SPATS2: variants seen among roughly 807,000 people sequenced by gnomAD.
The protein encoded by SPATS2 is spermatogenesis-associated serine-rich protein 2.
Under a neutral mutation model 63.7 loss-of-function variants are expected in SPATS2, and 38 were observed. The ratio of observed to expected loss-of-function variants is 0.60; its 90% CI spans 0.46 to 0.78. The LOEUF is 0.78. SPATS2 is among the 30% of genes least tolerant of loss of function. The pLI is 0.00. For missense variants in SPATS2, 588 were observed against 666.2 expected, an observed-to-expected ratio of 0.88 and a Z score of 1.29; for synonymous variants, 207 against 232.9, an observed-to-expected ratio of 0.89 and a Z score of 1.01.
At chr12:49,409,141 A>C (rs1427537450) in intron 2 of SPATS2, among the ~76,000 whole-genome samples, 1 of 152,180 alleles carries the variant, frequency 6.6e-6, no homozygotes, top group Non-Finnish European at 1.5e-5. Context: ...CATAGAATCA[A>C]ACTGCAAAAA....
At chr12:49,413,043 G>A (rs942421524) in intron 2 of SPATS2, among the ~76,000 whole-genome samples, 1 of 152,024 alleles carries the variant, frequency 6.6e-6, no homozygotes, top group Non-Finnish European at 1.5e-5. Context: ...GTCTCAGGCT[G>A]GGGTCTCCAG....
intron 10 of SPATS2, among the ~76,000 whole-genome samples, chr12:49,518,757 A>G (rs771523880): frequency 3.3e-5 from 5 of 151,954 alleles, no homozygotes; most frequent in Non-Finnish European, 7.4e-5. Context: ...TACCCAACTT[A>G]CTCTAGATGA....
chr12:49,396,426 T>C (rs1944513405), intron 2 of SPATS2, among the ~76,000 whole-genome samples: 1 of 152,214 alleles, frequency 6.6e-6, no homozygotes, highest in African/African-American at 2.4e-5. Flanking sequence ...TGTTTCTCTG[T>C]CTGTGTATGT....
intron 2 of SPATS2, among the ~76,000 whole-genome samples, chr12:49,456,708 C>T (rs1945725404): frequency 2.6e-5 from 4 of 152,170 alleles, no homozygotes; most frequent in Admixed American, 2.6e-4. Flanking sequence ...AAAGGTAGAA[C>T]ACATGGGATT....
rs1476029537 is a variant in SPATS2 at position 49,367,561 on chromosome 12, C to G, written c.-333C>G. On this transcript the variant is annotated 5_prime_UTR_variant, in exon 1 of 14. Coordinates refer to ENST00000552918, the MANE Select transcript of SPATS2 (RefSeq NM_023071.4). ...GACGCGGAGCCCGGAGCTGGGGCGA[C>G]GAGGCGATTGCGGGGGCCTGGGCTA... 1 of 397,162 alleles carries G rather than the reference C, an allele frequency of 2.5e-6. No homozygotes were observed. The highest frequency in any genetic ancestry group is 4.4e-5 in the Admixed American group (1 of 22,600). The allele number at this position is 397,162 out of a possible 1,614,324, so 24.6% of individuals were successfully genotyped here. A position where few individuals can be genotyped will look rare whatever the true frequency, so the allele number is the denominator to read the frequency against.
intron 2 of SPATS2, among the ~76,000 whole-genome samples, chr12:49,379,737 C>T (rs1200936670): frequency 2.7e-5 from 4 of 149,380 alleles, no homozygotes; most frequent in African/African-American, 4.9e-5. Flanking sequence ...ATTCTCCTGT[C>T]TGAGCCTCCC....
chr12:49,435,639 T>C, intron 2 of SPATS2, among the ~76,000 whole-genome samples: 1 of 69,462 alleles, frequency 1.4e-5, no homozygotes, highest in Non-Finnish European at 2.5e-5. Context: ...GAATGGTTTC[T>C]TTTTTTTTTT....
intron 2 of SPATS2, among the ~76,000 whole-genome samples, chr12:49,434,503 C>T (rs1022956860): frequency 3.3e-5 from 5 of 152,146 alleles, no homozygotes; most frequent in Non-Finnish European, 1.5e-5. Context: ...TGCTCATCTC[C>T]TTTTAATACA....
intron 8 of SPATS2, 57 bp downstream of exon 8, chr12:49,497,066 A>T: frequency 6.8e-7 from 1 of 1,468,428 alleles, no homozygotes; most frequent in South Asian, 1.4e-5. Flanking sequence ...TTGGCTAAAG[A>T]GGGCAAATTA....
At position 49,453,727 on chromosome 12, in the gene SPATS2, C is replaced by T. The variant is rs181703872; in HGVS notation, c.-243-7043C>T. Among the ~76,000 whole-genome samples the T allele has an allele frequency of 1.2e-3, 175 of 152,014 alleles. 2 individuals are homozygous for T. Among genetic ancestry groups the T allele is most frequent in the Admixed American group, 7.6e-3 (116 of 15,250 alleles). The stretch of plus-strand genomic sequence containing the variant: ...ACCTAGCAGGCTAAGACAGAAGAAT[C>T]GCTTGAGCCCAGGAGTTTGAGGTTG... On this transcript the variant is annotated intron_variant, in intron 2 of 13. Transcript: ENST00000552918.
At chr12:49,423,674 A>G (rs149142805) in intron 2 of SPATS2, among the ~76,000 whole-genome samples, 28 of 152,330 alleles carry the variant, frequency 1.8e-4, no homozygotes, top group South Asian at 8.3e-4. Context: ...TTAAAGTTCT[A>G]TCACTGAGAG....
intron 3 of SPATS2, among the ~76,000 whole-genome samples, chr12:49,481,572 A>C (rs1485776660): frequency 1.3e-5 from 2 of 148,456 alleles, no homozygotes; most frequent in Admixed American, 6.8e-5. Flanking sequence ...GGTTCAAGCA[A>C]TTCTCCTGCT....
At chr12:49,500,264 A>C in intron 9 of SPATS2, 59 bp downstream of exon 9, 2 of 1,506,848 alleles carry the variant, frequency 1.3e-6, no homozygotes, top group Non-Finnish European at 8.9e-7. Flanking sequence ...AAATATAAAG[A>C]TGGTCAGCCA....
chr12:49,407,317 G>C (rs901408239), intron 2 of SPATS2, among the ~76,000 whole-genome samples: 1 of 152,026 alleles, frequency 6.6e-6, no homozygotes, highest in Non-Finnish European at 1.5e-5. Context: ...AGTCAAATGA[G>C]GTTGTCACTC....
At chr12:49,477,962 C>CTTTTTTTTT (rs1002916907) in intron 3 of SPATS2, among the ~76,000 whole-genome samples, 20 of 105,224 alleles carry the variant, frequency 1.9e-4, no homozygotes, top group South Asian at 3.1e-4. Flanking sequence ...GTGGTTTTGT[C>CTTTTTTTTT]TTTTTTTTTT....
chr12:49,420,400 C>T (rs1301472291), intron 2 of SPATS2, among the ~76,000 whole-genome samples: 1 of 152,110 alleles, frequency 6.6e-6, no homozygotes, highest in Non-Finnish European at 1.5e-5. Flanking sequence ...TTGAGACCAG[C>T]CTGGCCAACA....
chr12:49,379,474 C>T (rs372085784), intron 2 of SPATS2, among the ~76,000 whole-genome samples: 11 of 144,788 alleles, frequency 7.6e-5, no homozygotes, highest in East Asian at 4.4e-4. Flanking sequence ...TGGCGTGAAC[C>T]CGGGAGGCAG....
At chr12:49,507,182 G>A (rs1253731683) in intron 9 of SPATS2, among the ~76,000 whole-genome samples, 1 of 152,124 alleles carries the variant, frequency 6.6e-6, no homozygotes, top group Non-Finnish European at 1.5e-5. Context: ...TGTGATTCTG[G>A]GATTCTTCAG....
At chr12:49,415,660 C>A (rs1944876986) in intron 2 of SPATS2, among the ~76,000 whole-genome samples, 1 of 152,104 alleles carries the variant, frequency 6.6e-6, no homozygotes, top group Non-Finnish European at 1.5e-5. Flanking sequence ...CAATAAAATT[C>A]TTCAGCTTCC....
Sources: gnomAD v4.1 joint callset for allele counts (sites outside exome capture counted in the v4.1 genomes callset) on GRCh38, gnomAD v4.1.1 for gene constraint, MANE v1.5 for transcripts, NCBI Gene and HGNC (gene_info 2026-07-23, HGNC 2026-07-21) for gene names.